Variants in KCNH7 observed in about 807,000 individuals in gnomAD.
KCNH7 encodes potassium voltage-gated channel subfamily H member 7.
In KCNH7, 49 loss-of-function variants were observed where a neutral mutation model predicts 120.8. The ratio of observed to expected loss-of-function variants is 0.41; its 90% CI spans 0.32 to 0.51. The LOEUF is 0.51. KCNH7 is among the 20% of genes least tolerant of loss of function. The pLI, the probability that KCNH7 is intolerant of heterozygous loss-of-function variation, is 0.38. For missense variants in KCNH7, 1,097 were observed against 1,446.6 expected (o/e 0.76, Z 3.92); for synonymous variants, 547 against 516.1 (o/e 1.06, Z -0.81).
At chr2:162,553,348 G>T (rs1192342229) in intron 2 of KCNH7, among the ~76,000 whole-genome samples, 3 of 152,164 alleles carry the variant, frequency 2.0e-5, no homozygotes, top group Admixed American at 1.3e-4. Context: ...ATTCCCTGTA[G>T]ACATTAGCAT....
chr2:162,555,668 T>C (rs1373111731), intron 2 of KCNH7, among the ~76,000 whole-genome samples: 2 of 152,154 alleles, frequency 1.3e-5, no homozygotes, highest in African/African-American at 4.8e-5. Context: ...TTAAGAGAGC[T>C]GATAATATGG....
intron 2 of KCNH7, among the ~76,000 whole-genome samples, chr2:162,718,695 A>G (rs1687221275): frequency 6.6e-6 from 1 of 152,012 alleles, no homozygotes; most frequent in South Asian, 2.1e-4. Context: ...TATTTATATT[A>G]TGATATATTT....
At chr2:162,812,389 A>G (rs1310840560) in intron 2 of KCNH7, among the ~76,000 whole-genome samples, 1 of 152,100 alleles carries the variant, frequency 6.6e-6, no homozygotes, top group Non-Finnish European at 1.5e-5. Context: ...TAATCTAGTG[A>G]GTGATGAGGA....
intron 2 of KCNH7, among the ~76,000 whole-genome samples, chr2:162,561,011 A>G (rs1008340489): frequency 6.6e-6 from 1 of 151,982 alleles, no homozygotes; most frequent in African/African-American, 2.4e-5. Flanking sequence ...GAACTATAGT[A>G]GTTAGACAGC....
intron 9 of KCNH7, among the ~76,000 whole-genome samples, chr2:162,406,887 T>C (rs1443793005): frequency 6.6e-6 from 1 of 152,008 alleles, no homozygotes. Context: ...CATTGAGAAA[T>C]AGGAAACATA....
intron 2 of KCNH7, among the ~76,000 whole-genome samples, chr2:162,578,314 ATATT>A (rs1693754856): frequency 6.6e-6 from 1 of 152,078 alleles, no homozygotes; most frequent in Non-Finnish European, 1.5e-5. Flanking sequence ...GGGTGTTTAA[ATATT>A]TATATTTATT....
chr2:162,811,556 G>A (rs552475321), intron 2 of KCNH7, among the ~76,000 whole-genome samples: 8 of 151,990 alleles, frequency 5.3e-5, no homozygotes, highest in East Asian at 1.9e-4. Flanking sequence ...TCTAGGCCTC[G>A]GAAACTAAGT....
chr2:162,513,480 TC>T (rs1691181612), intron 4 of KCNH7, among the ~76,000 whole-genome samples: 1 of 138,934 alleles, frequency 7.2e-6, no homozygotes, highest in Non-Finnish European at 1.6e-5. Context: ...CTTCCTTCCT[TC>T]CTTCCTTCCT....
chr2:162,830,913 T>C (rs1363876314), intron 2 of KCNH7, among the ~76,000 whole-genome samples: 1 of 152,162 alleles, frequency 6.6e-6, no homozygotes, highest in Non-Finnish European at 1.5e-5. Context: ...CTCTATTTTT[T>C]ATAAGTTACC....
intron 2 of KCNH7, among the ~76,000 whole-genome samples, chr2:162,571,803 C>A (rs1442155789): frequency 6.7e-6 from 1 of 149,348 alleles, no homozygotes; most frequent in East Asian, 2.0e-4. Flanking sequence ...GGAAAGGATT[C>A]CCTATTTAAT....
chr2:162,420,374 T>C (rs1284994050), intron 9 of KCNH7, among the ~76,000 whole-genome samples: 5 of 152,094 alleles, frequency 3.3e-5, no homozygotes. Context: ...AGACTCCATC[T>C]CAAAAACAAA....
At chr2:162,383,770 A>G (rs954110961) in intron 13 of KCNH7, among the ~76,000 whole-genome samples, 1 of 151,988 alleles carries the variant, frequency 6.6e-6, no homozygotes, top group African/African-American at 2.4e-5. Context: ...AAAACCTGTG[A>G]GAAAATACTA....
At chr2:162,647,380 T>C (rs971635117) in intron 2 of KCNH7, among the ~76,000 whole-genome samples, 2 of 152,172 alleles carry the variant, frequency 1.3e-5, no homozygotes, top group African/African-American at 4.8e-5. Flanking sequence ...TTTCACAGTA[T>C]GTAGGATTAA....
At chr2:162,600,635 A>G (rs1285461160) in intron 2 of KCNH7, among the ~76,000 whole-genome samples, 1 of 152,120 alleles carries the variant, frequency 6.6e-6, no homozygotes. Context: ...ATCTACATAC[A>G]TGTTTCAGTT....
At chr2:162,420,147 C>T (rs1023202678) in intron 9 of KCNH7, among the ~76,000 whole-genome samples, 14 of 152,000 alleles carry the variant, frequency 9.2e-5, no homozygotes, top group African/African-American at 2.7e-4. Context: ...GAGGCCAAGG[C>T]GGCAGATCAC....
At chr2:162,739,421 G>A (rs1317635284) in intron 2 of KCNH7, among the ~76,000 whole-genome samples, 1 of 152,074 alleles carries the variant, frequency 6.6e-6, no homozygotes, top group Non-Finnish European at 1.5e-5. Context: ...CCACCTGAAT[G>A]TTCTTTGTTT....
At chr2:162,706,893 G>A (rs755623400) in intron 2 of KCNH7, among the ~76,000 whole-genome samples, 10 of 152,130 alleles carry the variant, frequency 6.6e-5, no homozygotes, top group East Asian at 1.9e-4. Flanking sequence ...TTATTACAAC[G>A]TGTGTAACTG....
chr2:162,744,548 T>C (rs971175452), intron 2 of KCNH7, among the ~76,000 whole-genome samples: 3 of 151,082 alleles, frequency 2.0e-5, no homozygotes, highest in Non-Finnish European at 4.4e-5. Flanking sequence ...ACACATACAG[T>C]TATATTCTAA....
chr2:162,753,423 G>A (rs1688677306), intron 2 of KCNH7, among the ~76,000 whole-genome samples: 1 of 152,020 alleles, frequency 6.6e-6, no homozygotes, highest in African/African-American at 2.4e-5. Context: ...TTACGAATTA[G>A]GACTTAAACC....
Sources: allele counts gnomAD v4.1 joint callset (sites outside exome capture counted in the v4.1 genomes callset), GRCh38; gene constraint gnomAD v4.1.1; transcripts MANE v1.5; gene names NCBI Gene and HGNC (gene_info 2026-07-23, HGNC 2026-07-21).